The following NRG1 variants were observed in gnomAD, a reference collection of about 807,000 sequenced individuals.
NRG1 encodes the protein neuregulin 1.
Under a neutral mutation model 63.8 loss-of-function variants are expected in NRG1, and 18 were observed. The ratio of observed to expected loss-of-function variants is 0.28; its 90% confidence interval spans 0.19 to 0.42. The LOEUF (loss-of-function observed/expected upper bound fraction) is 0.42, where lower values mean the gene tolerates loss of function less well. Among genes scored for constraint, NRG1 ranks in the 10% least tolerant of loss-of-function variants. The pLI is 1.00. For missense variants in NRG1, 762 were observed against 814.7 expected (o/e 0.94, Z 0.79); for synonymous variants, 302 against 301.3 (o/e 1.00, Z -0.02).
chr8:32,427,193 G>A (rs938294618), intron 1 of NRG1, among the ~76,000 whole-genome samples: 5 of 152,074 alleles, frequency 3.3e-5, no homozygotes, highest in Non-Finnish European at 7.4e-5. Flanking sequence ...CATAGAAAAA[G>A]TAGAAAAGCC....
chr8:32,707,443 T>A (rs1193244849), intron 5 of NRG1, among the ~76,000 whole-genome samples: 4 of 152,050 alleles, frequency 2.6e-5, no homozygotes, highest in African/African-American at 4.8e-5. Context: ...TCAGAGCAAT[T>A]GAGGGGAGAA....
At chr8:31,904,090 T>A (rs1311187611) in intron 1 of NRG1, among the ~76,000 whole-genome samples, 2 of 152,230 alleles carry the variant, frequency 1.3e-5, no homozygotes, top group African/African-American at 4.8e-5. Flanking sequence ...AAATCACACG[T>A]AGCTCCAAAT....
intron 1 of NRG1, among the ~76,000 whole-genome samples, chr8:32,190,227 T>G (rs924409504): frequency 2.0e-5 from 3 of 151,694 alleles, no homozygotes; most frequent in African/African-American, 7.3e-5. Flanking sequence ...CTTTCTTTTT[T>G]AAAAAATTGC....
intron 1 of NRG1, among the ~76,000 whole-genome samples, chr8:32,035,803 A>C (rs1282662868): frequency 6.6e-6 from 1 of 151,774 alleles, no homozygotes; most frequent in African/African-American, 2.4e-5. Flanking sequence ...ATTTTCCTCC[A>C]TCCCTTTATT....
downstream of NRG1, among the ~76,000 whole-genome samples, chr8:32,772,638 GTC>G (rs925976210): frequency 1.1e-4 from 17 of 152,212 alleles, no homozygotes; most frequent in African/African-American, 4.1e-4. Flanking sequence ...AGGAGCCCTT[GTC>G]TTGAAGTGAG....
At chr8:32,488,443 A>G (rs1826160182) in intron 1 of NRG1, among the ~76,000 whole-genome samples, 1 of 152,148 alleles carries the variant, frequency 6.6e-6, no homozygotes, top group Non-Finnish European at 1.5e-5. Context: ...AGGCCATTAT[A>G]CTTCTGACCA....
At chr8:32,006,864 A>G (rs978987242) in intron 1 of NRG1, among the ~76,000 whole-genome samples, 9 of 152,068 alleles carry the variant, frequency 5.9e-5, no homozygotes, top group Admixed American at 4.6e-4. Flanking sequence ...GCTGGCCAGG[A>G]CTTCTGACCC....
intron 5 of NRG1, among the ~76,000 whole-genome samples, chr8:32,635,828 C>A (rs1056129835): frequency 2.6e-5 from 4 of 152,138 alleles, no homozygotes; most frequent in Non-Finnish European, 5.9e-5. Flanking sequence ...AATCATTTAA[C>A]TTTTGATGTG....
At chr8:31,810,910 G>A (rs552646730) in intron 1 of NRG1, among the ~76,000 whole-genome samples, 1 of 152,216 alleles carries the variant, frequency 6.6e-6, no homozygotes, top group Admixed American at 6.5e-5. Flanking sequence ...GCTTCATGAA[G>A]GTTTTGCTTT....
chr8:31,731,200 T>C (rs1230641668), intron 1 of NRG1, among the ~76,000 whole-genome samples: 1 of 152,068 alleles, frequency 6.6e-6, no homozygotes, highest in Non-Finnish European at 1.5e-5. Context: ...ATACCAGACA[T>C]GAAGGCAAAG....
At chr8:32,689,456 TTTG>T (rs1456698692) in intron 5 of NRG1, among the ~76,000 whole-genome samples, 4 of 152,156 alleles carry the variant, frequency 2.6e-5, no homozygotes, top group Non-Finnish European at 5.9e-5. Flanking sequence ...TAAACGGCTG[TTTG>T]TTGTTGTTTC....
intron 1 of NRG1, among the ~76,000 whole-genome samples, chr8:32,053,188 T>C (rs1822272353): frequency 6.6e-6 from 1 of 152,134 alleles, no homozygotes; most frequent in South Asian, 2.1e-4. Context: ...TTGAATTGAC[T>C]CTAGAAATGA....
intron 1 of NRG1, among the ~76,000 whole-genome samples, chr8:31,691,763 A>G (rs1296359647): frequency 6.6e-6 from 1 of 151,942 alleles, no homozygotes; most frequent in Admixed American, 6.6e-5. Flanking sequence ...TAATTCTTTG[A>G]AAAAGTATGT....
intron 1 of NRG1, among the ~76,000 whole-genome samples, chr8:31,877,972 G>A (rs562999419): frequency 2.0e-5 from 3 of 152,232 alleles, no homozygotes; most frequent in African/African-American, 7.2e-5. Context: ...TTAATATGCT[G>A]TAAGTTTTCC....
chr8:31,768,166 C>A (rs865946517), intron 1 of NRG1, among the ~76,000 whole-genome samples: 2 of 152,112 alleles, frequency 1.3e-5, no homozygotes, highest in South Asian at 2.1e-4. Flanking sequence ...TAAATGATGT[C>A]ATCAAGTCAC....
chr8:32,770,778 C>T (rs140830442), downstream of NRG1, among the ~76,000 whole-genome samples: 101 of 152,280 alleles, frequency 6.6e-4, no homozygotes, highest in African/African-American at 2.2e-3. Context: ...TCCAAGTTTC[C>T]TTCCTGATTT....
intron 1 of NRG1, among the ~76,000 whole-genome samples, chr8:32,497,426 G>C (rs960002527): frequency 7.2e-6 from 1 of 139,136 alleles, no homozygotes; most frequent in Admixed American, 7.5e-5. Context: ...CAGCCTGGGC[G>C]ACAGAGAGAG....
At chr8:31,746,151 G>A (rs1316896305) in intron 1 of NRG1, among the ~76,000 whole-genome samples, 2 of 151,852 alleles carry the variant, frequency 1.3e-5, no homozygotes, top group Admixed American at 6.6e-5. Flanking sequence ...GGATGACGGA[G>A]AATGCATATT....
chr8:32,026,749 T>G (rs1213852277), intron 1 of NRG1, among the ~76,000 whole-genome samples: 2 of 152,210 alleles, frequency 1.3e-5, no homozygotes, highest in Non-Finnish European at 2.9e-5. Flanking sequence ...ACCTAAAGAT[T>G]TACTTAGCTT....
Sources: allele counts gnomAD v4.1 joint callset (sites outside exome capture counted in the v4.1 genomes callset), GRCh38; gene constraint gnomAD v4.1.1; transcripts MANE v1.5; gene names NCBI Gene and HGNC (gene_info 2026-07-23, HGNC 2026-07-21).